The following CACHD1 variants were observed in gnomAD, a reference collection of about 807,000 sequenced individuals.
CACHD1 encodes cache domain containing 1, also known as VWFA and cache domain-containing protein 1.
A neutral mutation model predicts 138.7 loss-of-function variants in CACHD1; 71 were observed. That is an observed-to-expected ratio of 0.51 (90% CI 0.42 to 0.62). CACHD1 has a LOEUF of 0.62. CACHD1 is among the 20% of genes least tolerant of loss of function. The probability of loss-of-function intolerance (pLI) is 0.00; values close to 1 mark genes in which losing one functional copy is unlikely to be tolerated. For synonymous variants in CACHD1, 578 were observed against 591.5 expected, an observed-to-expected ratio of 0.98 and a Z score of 0.33; for missense variants, 1,389 against 1,625.3, an observed-to-expected ratio of 0.85 and a Z score of 2.50.
intron 2 of CACHD1, among the ~76,000 whole-genome samples, chr1:64,580,111 T>C (rs1463736803): frequency 6.6e-6 from 1 of 152,142 alleles, no homozygotes; most frequent in East Asian, 1.9e-4. Flanking sequence ...TTAACACGTT[T>C]GATAATGAGT....
At chr1:64,648,567 C>T (rs1005546020) in intron 9 of CACHD1, among the ~76,000 whole-genome samples, 1 of 152,114 alleles carries the variant, frequency 6.6e-6, no homozygotes, top group Non-Finnish European at 1.5e-5. Context: ...TCTAGGATTA[C>T]CTAGATATTA....
chr1:64,606,106 A>AACACAC (rs112089755), intron 4 of CACHD1, among the ~76,000 whole-genome samples: 86 of 148,940 alleles, frequency 5.8e-4, no homozygotes, highest in African/African-American at 1.9e-3. Context: ...AGGAGCTGTA[A>AACACAC]ACACACACAC....
intron 2 of CACHD1, among the ~76,000 whole-genome samples, chr1:64,561,167 C>T (rs1330977872): frequency 6.7e-6 from 1 of 148,362 alleles, no homozygotes; most frequent in Non-Finnish European, 1.5e-5. Context: ...GGTTTTTTTT[C>T]TGTTTTTTTT....
intron 2 of CACHD1, among the ~76,000 whole-genome samples, chr1:64,552,312 C>T (rs565077666): frequency 1.5e-4 from 23 of 152,088 alleles, no homozygotes; most frequent in Non-Finnish European, 2.4e-4. Flanking sequence ...TGATTTTTAC[C>T]AAATAACCTT....
In CACHD1 at chr1:64,607,111, G is replaced by C. The variant is rs150757653; in HGVS notation, c.517+4199G>C. Among the ~76,000 whole-genome samples the C allele has an allele frequency of 2.6e-5, 4 of 152,144 alleles. No homozygotes were observed. In the East Asian group the frequency reaches 7.7e-4, roughly 29 times the overall value. The stretch of plus-strand genomic sequence containing the variant: ...GTACTAAAATCATGAGGCTCATTTA[G>C]ATCACGTAGCAAGTGACTGTGGGTA... On this transcript the variant is annotated intron_variant, in intron 4 of 26. Transcript: ENST00000651257.
chr1:64,691,439 C>A lies in CACHD1; in HGVS notation c.3703C>A (p.Pro1235Thr), dbSNP rs180694325. ...HDEDLDLDTP[P>T]QTAALLSHKF... is the part of the protein sequence containing the mutation. ...TGAGGACTTAGACCTGGATACCCCC[C>A]CTCAGACTGCTGCCCTACTAAGTCA... The change falls in exon 27 of 27, where the codon CCT (proline) becomes ACT (threonine). Residue 1235 changes from proline to threonine, a missense_variant. By Grantham distance (38) the Pro-to-Thr change is conservative (BLOSUM62 -1). Transcript: ENST00000651257. The A allele has an allele frequency of 6.2e-6, 10 of 1,614,126 alleles. No individual in the cohort carries two copies. Among genetic ancestry groups the A allele is most frequent in the Admixed American group, 5.0e-5 (3 of 60,000 alleles).
intron 1 of CACHD1, among the ~76,000 whole-genome samples, chr1:64,525,919 C>G (rs1341628147): frequency 6.6e-6 from 1 of 152,192 alleles, no homozygotes; most frequent in African/African-American, 2.4e-5. Flanking sequence ...TGTGTGCTTA[C>G]TTTAAAAATT....
At chr1:64,674,806 TAAAC>T (rs1214437821) in intron 19 of CACHD1, among the ~76,000 whole-genome samples, 4 of 152,342 alleles carry the variant, frequency 2.6e-5, no homozygotes, top group Non-Finnish European at 2.9e-5. Flanking sequence ...TCTAATATGA[TAAAC>T]AAAATTGGCA....
chr1:64,621,705 T>G (rs919082085), intron 4 of CACHD1, among the ~76,000 whole-genome samples: 1 of 152,190 alleles, frequency 6.6e-6, no homozygotes, highest in Admixed American at 6.5e-5. Flanking sequence ...AGGATCACCT[T>G]GTACCAAGGG....
intron 1 of CACHD1, among the ~76,000 whole-genome samples, chr1:64,508,246 T>C (rs1646392322): frequency 6.6e-6 from 1 of 152,188 alleles, no homozygotes; most frequent in African/African-American, 2.4e-5. Flanking sequence ...CTTCCAACAT[T>C]GGGGTTTACA....
At chr1:64,639,725 C>G (rs1454581975) in intron 7 of CACHD1, among the ~76,000 whole-genome samples, 1 of 152,218 alleles carries the variant, frequency 6.6e-6, no homozygotes, top group African/African-American at 2.4e-5. Context: ...TTTGTGTCTT[C>G]ACCATTAGGA....
At chr1:64,664,714 C>T in intron 15 of CACHD1, 35 bp downstream of exon 15, 1 of 1,593,638 alleles carries the variant, frequency 6.3e-7, no homozygotes, top group South Asian at 1.1e-5. Context: ...CAAAGGTTCT[C>T]CCCCAAATCC....
chr1:64,498,261 T>C (rs938096219), intron 1 of CACHD1, among the ~76,000 whole-genome samples: 2 of 152,218 alleles, frequency 1.3e-5, no homozygotes, highest in Admixed American at 6.5e-5. Flanking sequence ...TGCTAACTCA[T>C]GCAACTTGTA....
At chr1:64,487,983 T>G (rs1646253126) in intron 1 of CACHD1, among the ~76,000 whole-genome samples, 1 of 152,166 alleles carries the variant, frequency 6.6e-6, no homozygotes, top group African/African-American at 2.4e-5. Flanking sequence ...TAGATGCTTT[T>G]ATGATTTATG....
chr1:64,609,362 A>C (rs1647447648), intron 4 of CACHD1, among the ~76,000 whole-genome samples: 1 of 152,228 alleles, frequency 6.6e-6, no homozygotes. Context: ...TAGTGTCATA[A>C]AATATGTAAT....
chr1:64,520,181 C>T (rs148671959), intron 1 of CACHD1, among the ~76,000 whole-genome samples: 208 of 152,300 alleles, frequency 1.4e-3, no homozygotes, highest in African/African-American at 4.8e-3. Flanking sequence ...GACTCATGTC[C>T]ACTTAGGGGA....
intron 7 of CACHD1, among the ~76,000 whole-genome samples, chr1:64,640,479 C>T (rs1336887447): frequency 6.6e-6 from 1 of 152,194 alleles, no homozygotes; most frequent in East Asian, 1.9e-4. Context: ...AGTTCAAGAC[C>T]AGCCTGGCCA....
At chr1:64,620,454 G>A (rs1308417306) in intron 4 of CACHD1, among the ~76,000 whole-genome samples, 1 of 152,146 alleles carries the variant, frequency 6.6e-6, no homozygotes, top group African/African-American at 2.4e-5. Flanking sequence ...TTCACAGATA[G>A]AATTAAGAGA....
At chr1:64,516,582 T>C (rs1646461351) in intron 1 of CACHD1, among the ~76,000 whole-genome samples, 1 of 152,196 alleles carries the variant, frequency 6.6e-6, no homozygotes, top group Non-Finnish European at 1.5e-5. Context: ...ATTATGCATT[T>C]TCATGAATAT....
Sources: allele counts gnomAD v4.1 joint callset (sites outside exome capture counted in the v4.1 genomes callset), GRCh38; gene constraint gnomAD v4.1.1; transcripts MANE v1.5; gene names NCBI Gene and HGNC (gene_info 2026-07-23, HGNC 2026-07-21).